The following ANK1 variants were observed in gnomAD, a reference collection of about 807,000 sequenced individuals.
ANK1 encodes ankyrin-1.
A neutral mutation model predicts 210.4 loss-of-function variants in ANK1; 51 were observed. The observed-to-expected ratio is 0.24, with a 90% CI of 0.19 to 0.31. ANK1 has a LOEUF of 0.31. Among genes scored for constraint, ANK1 ranks in the 10% least tolerant of loss-of-function variants. The pLI is 1.00. For synonymous variants in ANK1, 967 were observed against 1,025.9 expected (o/e 0.94, Z 1.10); for missense variants, 2,051 against 2,504.4 (o/e 0.82, Z 3.86).
intron 1 of ANK1, among the ~76,000 whole-genome samples, chr8:41,886,576 C>T (rs7000214): frequency 0.23 from 35,720 of 152,118 alleles, 4,440 homozygotes; most frequent in Non-Finnish European, 0.26. Context: ...TCATCTAGGA[C>T]ACTGGAGGCA....
intron 16 of ANK1, among the ~76,000 whole-genome samples, chr8:41,711,886 G>A (rs1466406536): frequency 6.6e-6 from 1 of 151,902 alleles, no homozygotes; most frequent in African/African-American, 2.4e-5. Flanking sequence ...ATGGAGTTTG[G>A]TTTTTCCATT....
chr8:41,663,320 C>G (rs2150547394), intron 40 of ANK1, among the ~76,000 whole-genome samples: 1 of 152,178 alleles, frequency 6.6e-6, no homozygotes, highest in Non-Finnish European at 1.5e-5. Context: ...CATGGTAGGC[C>G]AGGGATGCTC....
Position 41,783,251 on chromosome 8 carries a change from G to A in ANK1, c.27+14261C>T, listed in dbSNP as rs550063058. ...CTCCCAAGTCCTACTCCCGGTCCAT[G>A]CAACTGTCCCTCCTCCCAAATTATC... On this transcript the variant is annotated intron_variant, in intron 1 of 42. Transcript: ENST00000289734. Among the ~76,000 whole-genome samples the A allele has an allele frequency of 3.2e-4, 48 of 152,320 alleles. 1 individual carries two copies. Among genetic ancestry groups the A allele is most frequent in the Admixed American group, 2.7e-3 (41 of 15,298 alleles).
intron 20 of ANK1, among the ~76,000 whole-genome samples, chr8:41,703,647 C>A (rs554245873): frequency 1.3e-5 from 2 of 150,638 alleles, no homozygotes; most frequent in South Asian, 4.2e-4. Flanking sequence ...TCACCACACC[C>A]ACATAATTAA....
chr8:41,673,146 C>G (rs2150563971), intron 37 of ANK1, among the ~76,000 whole-genome samples: 1 of 152,232 alleles, frequency 6.6e-6, no homozygotes, highest in Middle Eastern at 3.4e-3. Flanking sequence ...TGGGGGCAGC[C>G]AGGGTGTGAG....
At chr8:41,860,031 T>C (rs958247049) in intron 1 of ANK1, among the ~76,000 whole-genome samples, 1 of 152,162 alleles carries the variant, frequency 6.6e-6, no homozygotes, top group Non-Finnish European at 1.5e-5. Flanking sequence ...AGCAAGGACA[T>C]GGCACTCCTA....
intron 1 of ANK1, among the ~76,000 whole-genome samples, chr8:41,773,738 TGCACTGCAGA>T (rs945513050): frequency 1.3e-5 from 2 of 152,182 alleles, no homozygotes; most frequent in Non-Finnish European, 2.9e-5. Flanking sequence ...CCCTCCTGCA[TGCACTGCAGA>T]GCCCACAGCC....
intron 1 of ANK1, among the ~76,000 whole-genome samples, chr8:41,766,455 G>A (rs1218585823): frequency 2.0e-5 from 3 of 152,212 alleles, no homozygotes; most frequent in South Asian, 2.1e-4. Context: ...TCCCCAGTCT[G>A]ACTACCATTG....
rs561603914 is a variant in ANK1, at chr8:41,666,665, C to T, written c.5394+1602G>A. On this transcript the variant is annotated intron_variant, in intron 39 of 42. Transcript: ENST00000289734. Reference sequence around the variant, plus strand: ...GAAATACTAATAAGTGGGTGCTTTGCAAACCATCAATCACCTTCAAGGGCA... The same window carrying T: ...GAAATACTAATAAGTGGGTGCTTTGTAAACCATCAATCACCTTCAAGGGCA... Among the ~76,000 whole-genome samples the T allele has an allele frequency of 1.6e-4, 24 of 152,358 alleles. 1 individual carries two copies. In the South Asian group the frequency reaches 3.3e-3, roughly 21 times the overall value.
At chr8:41,881,389 G>A (rs1434939106) in intron 1 of ANK1, among the ~76,000 whole-genome samples, 1 of 152,176 alleles carries the variant, frequency 6.6e-6, no homozygotes, top group Non-Finnish European at 1.5e-5. Flanking sequence ...ACAGATCTAT[G>A]TCTATGTCTA....
Position 41,896,297 on chromosome 8 carries a change from C to T in ANK1, c.126+58G>A, listed in dbSNP as rs554408051. The T allele has an allele frequency of 4.6e-5, 72 of 1,564,512 alleles. No homozygotes were observed. The African/African-American group carries it at 8.9e-4, about 19-fold the overall frequency. The stretch of plus-strand genomic sequence containing the variant: ...CGTCCCGGGCCGCCCGACCCCTGCC[C>T]CCAGCAGCCACTTGCAGGTGCCGCG... On this transcript the variant is annotated intron_variant, in intron 1 of 42. Coordinates refer to the ANK1 transcript ENST00000265709.
intron 42 of ANK1, among the ~76,000 whole-genome samples, chr8:41,659,480 G>A (rs750710114): frequency 1.3e-4 from 20 of 152,178 alleles, no homozygotes; most frequent in Non-Finnish European, 2.4e-4. Context: ...GCGAGTGGAC[G>A]AATTCGCAAA....
intron 1 of ANK1, among the ~76,000 whole-genome samples, chr8:41,859,579 A>T (rs558365188): frequency 1.5e-4 from 23 of 152,316 alleles, no homozygotes; most frequent in African/African-American, 5.3e-4. Context: ...ACGTCAGGTG[A>T]TCTGCCCACC....
At chr8:41,867,730 G>A (rs1814744142) in intron 1 of ANK1, among the ~76,000 whole-genome samples, 1 of 152,148 alleles carries the variant, frequency 6.6e-6, no homozygotes, top group African/African-American at 2.4e-5. Flanking sequence ...CCTCTAAGCT[G>A]TCAGCTGTCT....
At chr8:41,749,374 T>G (rs1837089927) in intron 2 of ANK1, among the ~76,000 whole-genome samples, 1 of 139,508 alleles carries the variant, frequency 7.2e-6, no homozygotes, top group African/African-American at 2.7e-5. Context: ...CTCGGCTCAC[T>G]GCAACCTTCG....
Position 41,684,572 on chromosome 8 carries a change from G to C in ANK1, c.4509C>G (p.Asp1503Glu). 1 of 1,613,854 alleles carries C rather than the reference G, an allele frequency of 6.2e-7. No homozygotes were observed. Among genetic ancestry groups the C allele is most frequent in the Non-Finnish European group, 8.5e-7 (1 of 1,180,048 alleles). Residue 1503 changes from aspartate to glutamate, a missense_variant, in exon 37 of 43, where the codon GAC (aspartate) becomes GAG (glutamate). Around this residue, in one of 6 missense-constraint regions of ANK1, gnomAD observed 496 missense variants for 533.4 expected, o/e 0.93. Transcript: ENST00000289734. ...LKPDRRHTDRDYSLSPSQMNG... is the reference protein window; with the variant it reads ...LKPDRRHTDREYSLSPSQMNG... ...TCATCTGGGAGGGTGACAGCGAGTA[G>C]TCGCGGTCGGTGTGCCGCCTGTCTG... is the stretch of plus-strand genomic sequence containing the variant.
chr8:41,760,603 T>C (rs1310787170), intron 1 of ANK1, among the ~76,000 whole-genome samples: 1 of 152,244 alleles, frequency 6.6e-6, no homozygotes, highest in Admixed American at 6.5e-5. Flanking sequence ...GTCCGTGGCC[T>C]AGACTCAGAG....
chr8:41,769,954 ATCT>A (rs1264361443), intron 1 of ANK1, among the ~76,000 whole-genome samples: 1 of 132,652 alleles, frequency 7.5e-6, no homozygotes, highest in African/African-American at 2.9e-5. Context: ...CCATCTATAT[ATCT>A]TCTTTTTTTT....
chr8:41,714,308 C>G lies in ANK1; in HGVS notation c.1702-54G>C, dbSNP rs17660898. The stretch of plus-strand genomic sequence containing the variant: ...GCTGTCACTCCCACGGACTTTCTCC[C>G]AGGACTCCCTTTAGGCATGGGAGCA... On this transcript the variant is annotated intron_variant, in intron 15 of 42. Coordinates refer to ENST00000289734, the MANE Select transcript of ANK1 (RefSeq NM_000037.4). 0.26 allele frequency: 363,064 copies of G among 1,413,880 alleles called. 49,969 individuals are homozygous for G. The highest frequency in any genetic ancestry group is 0.31 in the South Asian group (21,695 of 68,994). 87.6% of individuals were successfully genotyped at this position (1,413,880 alleles called of 1,614,324 possible).
Sources: gnomAD v4.1 joint callset for allele counts (sites outside exome capture counted in the v4.1 genomes callset) on GRCh38, gnomAD v4.1.1 for gene constraint, gnomAD v4.1.1 regional missense constraint, MANE v1.5 for transcripts, NCBI Gene and HGNC (gene_info 2026-07-23, HGNC 2026-07-21) for gene names.